NDUFA12: variants seen among roughly 807,000 people sequenced by gnomAD.
NDUFA12 encodes the protein NADH:ubiquinone oxidoreductase subunit A12, also known as NADH dehydrogenase [ubiquinone] 1 alpha subcomplex subunit 12.
In NDUFA12, 17 loss-of-function variants were observed where a neutral mutation model predicts 20.3. That is an observed-to-expected ratio of 0.84 (90% CI 0.57 to 1.26). The LOEUF is 1.26. Among genes scored for constraint, NDUFA12 ranks in the 50% most tolerant of loss-of-function variants. The pLI, the probability that NDUFA12 is intolerant of heterozygous loss-of-function variation, is 0.00. For synonymous variants in NDUFA12, 72 were observed against 63.6 expected (o/e 1.13, Z -0.63); for missense variants, 191 against 183.7 (o/e 1.04, Z -0.23).
At chr12:94,987,578 A>G (rs1874487707) in intron 3 of NDUFA12, among the ~76,000 whole-genome samples, 1 of 152,106 alleles carries the variant, frequency 6.6e-6, no homozygotes, top group South Asian at 2.1e-4. Context: ...AGGTAGGCAG[A>G]TCACTTGAGG....
chr12:94,987,874 A>AG (rs1371644029), intron 3 of NDUFA12, among the ~76,000 whole-genome samples: 1 of 151,806 alleles, frequency 6.6e-6, no homozygotes. Context: ...TGAAAGCAGG[A>AG]GAAAAAATTC....
In NDUFA12 at chr12:95,002,778, A is replaced by G; in HGVS notation, c.130T>C (p.Tyr44His). The G allele has an allele frequency of 6.2e-7, 1 of 1,614,062 alleles. No individual in the cohort carries two copies. The highest frequency in any genetic ancestry group is 8.5e-7 in the Non-Finnish European group (1 of 1,179,978). ...KVGTLVGEDK[Y>H]GNKYYEDNKQ... ...TTGTCTTCATAGTATTTGTTTCCAT[A>G]TTTGTCTTCCCCCACTAATGTACCA... Residue 44 changes from tyrosine to histidine, a missense_variant, in exon 2 of 4, where the codon TAT becomes CAT. Transcript: ENST00000327772.
intron 1 of NDUFA12, 62 bp downstream of exon 1, chr12:95,003,533 C>A: frequency 6.4e-7 from 1 of 1,562,816 alleles, no homozygotes; most frequent in African/African-American, 1.4e-5. Flanking sequence ...GGGACCCCTT[C>A]CAAGAAATCA....
chr12:94,992,863 G>A (rs142931994), intron 3 of NDUFA12, among the ~76,000 whole-genome samples: 61 of 152,092 alleles, frequency 4.0e-4, no homozygotes, highest in Non-Finnish European at 6.8e-4. Flanking sequence ...AGCCACCCTC[G>A]TTTTATCTTG....
chr12:95,000,695 C>T (rs1344863481), intron 2 of NDUFA12, among the ~76,000 whole-genome samples: 1 of 152,190 alleles, frequency 6.6e-6, no homozygotes, highest in Non-Finnish European at 1.5e-5. Context: ...TCTCTATCAT[C>T]TGATTCTATG....
At chr12:94,978,673 G>A (rs559928494) in intron 3 of NDUFA12, among the ~76,000 whole-genome samples, 4 of 152,142 alleles carry the variant, frequency 2.6e-5, no homozygotes, top group South Asian at 4.2e-4. Flanking sequence ...AGAGTTTACC[G>A]AACATTCATC....
intron 2 of NDUFA12, among the ~76,000 whole-genome samples, chr12:95,000,492 AG>A (rs1439016880): frequency 6.6e-6 from 1 of 152,264 alleles, no homozygotes; most frequent in Non-Finnish European, 1.5e-5. Context: ...TCTGCCCCAT[AG>A]TGTTAACACT....
intron 3 of NDUFA12, among the ~76,000 whole-genome samples, chr12:94,985,128 GC>G (rs1274627313): frequency 6.6e-6 from 1 of 151,702 alleles, no homozygotes; most frequent in East Asian, 1.9e-4. Flanking sequence ...TTACAGACCT[GC>G]CTGGGTAACA....
intron 3 of NDUFA12, among the ~76,000 whole-genome samples, chr12:94,973,658 G>GGCA (rs1185602245): frequency 1.3e-5 from 2 of 152,148 alleles, no homozygotes; most frequent in African/African-American, 4.8e-5. Flanking sequence ...AGTTACTTAA[G>GGCA]TGAGGAAGTG....
chr12:94,983,063 C>T (rs925906499), intron 3 of NDUFA12, among the ~76,000 whole-genome samples: 6 of 152,264 alleles, frequency 3.9e-5, no homozygotes, highest in South Asian at 2.1e-4. Context: ...TCATACTTAA[C>T]GTAGACTACC....
chr12:94,985,327 A>C (rs1874390945), intron 3 of NDUFA12, among the ~76,000 whole-genome samples: 1 of 151,944 alleles, frequency 6.6e-6, no homozygotes, highest in Admixed American at 6.5e-5. Context: ...CCTATCTTTA[A>C]AAAAAGTGGT....
Position 94,981,762 on chromosome 12 carries a change from A to G in NDUFA12, c.258-10142T>C, listed in dbSNP as rs1874247908. On this transcript the variant is annotated intron_variant, in intron 3 of 3. Coordinates refer to ENST00000327772, the MANE Select transcript of NDUFA12 (RefSeq NM_018838.5). ...GTGCTCAATATATATTTGTTGAATG[A>G]ATCAAGTTTGTAAGCAGACTGTGTT... Among the ~76,000 whole-genome samples the G allele has an allele frequency of 2.0e-5, 3 of 152,300 alleles. No individual in the cohort carries two copies. The South Asian group carries it at 6.2e-4, about 32-fold the overall frequency.
intron 3 of NDUFA12, among the ~76,000 whole-genome samples, chr12:94,984,860 C>G (rs1874365709): frequency 6.6e-6 from 1 of 151,114 alleles, no homozygotes; most frequent in Non-Finnish European, 1.5e-5. Flanking sequence ...CGCCTGTAAT[C>G]CCAGCTACTC....
intron 3 of NDUFA12, among the ~76,000 whole-genome samples, chr12:94,991,951 A>G (rs1467430898): frequency 6.6e-6 from 1 of 152,140 alleles, no homozygotes; most frequent in Non-Finnish European, 1.5e-5. Context: ...CTTATGTCAC[A>G]TATCTGGGTT....
intron 3 of NDUFA12, among the ~76,000 whole-genome samples, chr12:94,975,558 TTA>T (rs1874039569): frequency 6.6e-6 from 1 of 152,290 alleles, no homozygotes; most frequent in Admixed American, 6.5e-5. Context: ...TATCAAAAAC[TTA>T]TAAAACATGT....
At chr12:94,991,506 T>C (rs1874643963) in intron 3 of NDUFA12, among the ~76,000 whole-genome samples, 1 of 151,194 alleles carries the variant, frequency 6.6e-6, no homozygotes. Context: ...AGTGGGTGGA[T>C]CACTCGGGGC....
intron 2 of NDUFA12, 58 bp from the exon 3 acceptor site, chr12:94,994,315 A>G: frequency 7.9e-7 from 1 of 1,273,564 alleles, no homozygotes; most frequent in Non-Finnish European, 1.1e-6. Flanking sequence ...GCATAGATGC[A>G]TAATATCAAA....
chr12:94,983,501 G>A (rs1341074890), intron 3 of NDUFA12, among the ~76,000 whole-genome samples: 1 of 152,194 alleles, frequency 6.6e-6, no homozygotes, highest in Non-Finnish European at 1.5e-5. Flanking sequence ...ACATGAGTAA[G>A]TGTGGCAGTG....
chr12:94,994,601 G>A (rs1487508013), intron 2 of NDUFA12, among the ~76,000 whole-genome samples: 2 of 152,204 alleles, frequency 1.3e-5, no homozygotes, highest in Non-Finnish European at 2.9e-5. Flanking sequence ...AGGGTATTCA[G>A]AAAAGAAGGT....
Sources: gnomAD v4.1 joint callset for allele counts (sites outside exome capture counted in the v4.1 genomes callset) on GRCh38, gnomAD v4.1.1 for gene constraint, MANE v1.5 for transcripts, NCBI Gene and HGNC (gene_info 2026-07-23, HGNC 2026-07-21) for gene names.